BRINP2: variants seen among roughly 807,000 people sequenced by gnomAD.
BRINP2 encodes the protein BMP/retinoic acid inducible neural specific 2.
A neutral mutation model predicts 69.2 loss-of-function variants in BRINP2; 21 were observed. That is an observed-to-expected ratio of 0.30 (90% confidence interval 0.22 to 0.44). BRINP2 has a LOEUF of 0.44. Ranked by LOEUF, BRINP2 falls within the 20% of genes least tolerant of loss-of-function variation. The pLI is 1.00. For synonymous variants in BRINP2, 380 were observed against 394.1 expected (o/e 0.96, Z 0.42); for missense variants, 877 against 986.0 (o/e 0.89, Z 1.48).
chr1:177,244,522 C>T (rs781750862), intron 2 of BRINP2, among the ~76,000 whole-genome samples: 8 of 152,122 alleles, frequency 5.3e-5, no homozygotes, highest in Admixed American at 1.3e-4. Context: ...CCCAGCTACT[C>T]GGGAGGCTAA....
chr1:177,258,898 T>C (rs1311270147), intron 4 of BRINP2, among the ~76,000 whole-genome samples: 1 of 152,196 alleles, frequency 6.6e-6, no homozygotes, highest in Non-Finnish European at 1.5e-5. Flanking sequence ...CAGGCCTCCC[T>C]ATTCCCTGAG....
At chr1:177,195,850 G>C (rs1313839067) in intron 1 of BRINP2, among the ~76,000 whole-genome samples, 1 of 152,080 alleles carries the variant, frequency 6.6e-6, no homozygotes, top group East Asian at 1.9e-4. Context: ...GTTGATAACA[G>C]ATAGGCCAAG....
intron 2 of BRINP2, among the ~76,000 whole-genome samples, chr1:177,252,629 A>T (rs906545844): frequency 1.2e-4 from 18 of 152,228 alleles, no homozygotes; most frequent in African/African-American, 3.1e-4. Flanking sequence ...GTACATTATT[A>T]TTAGCCACAG....
chr1:177,255,347 A>C (rs1028935023), intron 2 of BRINP2, among the ~76,000 whole-genome samples: 3 of 152,262 alleles, frequency 2.0e-5, no homozygotes, highest in Admixed American at 1.3e-4. Context: ...ATGAAATAAC[A>C]AATGTTGATT....
At chr1:177,202,259 G>T (rs1371393134) in intron 1 of BRINP2, among the ~76,000 whole-genome samples, 2 of 152,006 alleles carry the variant, frequency 1.3e-5, no homozygotes. Context: ...GAATGTGTTT[G>T]CTCTTGCTTC....
chr1:177,271,287 T>C (rs569969905), intron 4 of BRINP2, among the ~76,000 whole-genome samples: 10 of 152,198 alleles, frequency 6.6e-5, no homozygotes, highest in Non-Finnish European at 1.5e-4. Context: ...GATAATCAAA[T>C]TGATCTGAAG....
intron 4 of BRINP2, among the ~76,000 whole-genome samples, chr1:177,260,104 A>T (rs1435794345): frequency 6.6e-6 from 1 of 152,240 alleles, no homozygotes; most frequent in Non-Finnish European, 1.5e-5. Context: ...TTTGTAATTC[A>T]TAGGGGGATG....
intron 1 of BRINP2, among the ~76,000 whole-genome samples, chr1:177,222,952 C>G (rs893358386): frequency 6.6e-6 from 1 of 152,150 alleles, no homozygotes; most frequent in African/African-American, 2.4e-5. Flanking sequence ...GAAGGTTGAT[C>G]TGCAAGGAGA....
Position 177,248,460 on chromosome 1 carries a change from C to T in BRINP2, c.270-7459C>T, listed in dbSNP as rs1344059830. Reference sequence around the variant, plus strand: ...TTGTGTGTGTGTGTGTGTGTGCGTGCGTGTGTGTGTGCGTGTGTGTGTGTG... The same window carrying T: ...TTGTGTGTGTGTGTGTGTGTGCGTGTGTGTGTGTGTGCGTGTGTGTGTGTG... On this transcript the variant is annotated intron_variant, in intron 2 of 7. Transcript: ENST00000361539. 5.7e-5 allele frequency among the ~76,000 whole-genome samples: 8 copies of T among 139,996 alleles called. No individual in the cohort carries two copies. The East Asian group carries it at 8.3e-4, about 15-fold the overall frequency. The allele number at this position is 139,996 out of a possible 152,430, so 91.8% of individuals were successfully genotyped here.
At chr1:177,183,107 A>G (rs1320153420) in intron 1 of BRINP2, among the ~76,000 whole-genome samples, 1 of 90,822 alleles carries the variant, frequency 1.1e-5, no homozygotes, top group South Asian at 3.8e-4. Context: ...AATGAACTAG[A>G]TTTCTTTCCA....
At chr1:177,252,261 G>A (rs1014776426) in intron 2 of BRINP2, among the ~76,000 whole-genome samples, 1 of 152,124 alleles carries the variant, frequency 6.6e-6, no homozygotes, top group Non-Finnish European at 1.5e-5. Flanking sequence ...AAGCTACACA[G>A]CGGGAATTTT....
chr1:177,201,069 C>T (rs1043134401), intron 1 of BRINP2, among the ~76,000 whole-genome samples: 1 of 152,076 alleles, frequency 6.6e-6, no homozygotes, highest in Non-Finnish European at 1.5e-5. Context: ...TAAAAGACTA[C>T]ACATTGGGTA....
At chr1:177,252,233 T>C (rs555085211) in intron 2 of BRINP2, among the ~76,000 whole-genome samples, 2 of 152,284 alleles carry the variant, frequency 1.3e-5, no homozygotes, top group South Asian at 4.1e-4. Context: ...ATTATGAACT[T>C]ACCTGCTTAG....
At chr1:177,179,680 C>T (rs1648192962) in intron 1 of BRINP2, among the ~76,000 whole-genome samples, 1 of 152,096 alleles carries the variant, frequency 6.6e-6, no homozygotes, top group Non-Finnish European at 1.5e-5. Flanking sequence ...CACTCAGAAC[C>T]TTAGCAAAGT....
intron 1 of BRINP2, among the ~76,000 whole-genome samples, chr1:177,193,593 T>G (rs1648651571): frequency 6.6e-6 from 1 of 152,146 alleles, no homozygotes; most frequent in African/African-American, 2.4e-5. Flanking sequence ...TTTGACAAAA[T>G]TTGTACCTGT....
intron 1 of BRINP2, among the ~76,000 whole-genome samples, chr1:177,219,065 G>T (rs1649452618): frequency 6.6e-6 from 1 of 152,226 alleles, no homozygotes; most frequent in Non-Finnish European, 1.5e-5. Context: ...TGAAGAGAGA[G>T]CTTGCAGTGA....
At chr1:177,207,448 G>A (rs985719178) in intron 1 of BRINP2, among the ~76,000 whole-genome samples, 2 of 152,184 alleles carry the variant, frequency 1.3e-5, no homozygotes, top group African/African-American at 2.4e-5. Flanking sequence ...GGGCGGGCAT[G>A]TGGAAGTCCT....
chr1:177,253,763 A>G (rs1448623932), intron 2 of BRINP2, among the ~76,000 whole-genome samples: 1 of 152,146 alleles, frequency 6.6e-6, no homozygotes, highest in African/African-American at 2.4e-5. Flanking sequence ...ATGTTTTTTC[A>G]GCACCATTTA....
At chr1:177,201,353 T>C (rs1328523624) in intron 1 of BRINP2, among the ~76,000 whole-genome samples, 1 of 152,178 alleles carries the variant, frequency 6.6e-6, no homozygotes, top group African/African-American at 2.4e-5. Context: ...CAATTTTGGC[T>C]TCATCTATTG....
Sources: gnomAD v4.1 joint callset for allele counts (sites outside exome capture counted in the v4.1 genomes callset) on GRCh38, gnomAD v4.1.1 for gene constraint, MANE v1.5 for transcripts, NCBI Gene and HGNC (gene_info 2026-07-23, HGNC 2026-07-21) for gene names.